Variants in ZNF676 observed in about 807,000 individuals in gnomAD.
The protein encoded by ZNF676 is zinc finger protein 676.
ZNF676 carries 4 observed loss-of-function variants against 6.0 expected under a neutral mutation model. That is an observed-to-expected ratio of 0.67 (90% CI 0.33 to 1.53). The LOEUF is 1.53. Ranked by LOEUF, ZNF676 falls within the 40% of genes most tolerant of loss-of-function variation. The probability of loss-of-function intolerance (pLI) is 0.06; values close to 1 mark genes in which losing one functional copy is unlikely to be tolerated. For missense variants in ZNF676, 644 were observed against 679.7 expected (o/e 0.95, Z 0.58); for synonymous variants, 198 against 223.1 (o/e 0.89, Z 1.00).
At chr19:22,250,716 T>C in the ZNF676 span, among the ~76,000 whole-genome samples, 5 of 141,550 alleles carry the variant, frequency 3.5e-5, no homozygotes, top group Admixed American at 1.4e-4. Context: ...ATGTCATTTC[T>C]TTTTTTTTTT....
chr19:22,203,503 TAAG>T (rs1333947674), intron 1 of ZNF676: 7 of 152,274 alleles, frequency 4.6e-5, no homozygotes, highest in Middle Eastern at 3.4e-3. Flanking sequence ...AATATTTCCC[TAAG>T]AAGAATTTCT....
the ZNF676 span, among the ~76,000 whole-genome samples, chr19:22,224,814 T>TA: frequency 6.6e-6 from 1 of 152,022 alleles, no homozygotes; most frequent in Non-Finnish European, 1.5e-5. Flanking sequence ...GGGAAACATA[T>TA]AAAGACCTGC....
At chr19:22,202,887 C>G (rs2144795390) in intron 1 of ZNF676, among the ~76,000 whole-genome samples, 1 of 152,290 alleles carries the variant, frequency 6.6e-6, no homozygotes, top group South Asian at 2.1e-4. Flanking sequence ...TAGGCTTTGA[C>G]TCTTCTACAA....
the ZNF676 span, among the ~76,000 whole-genome samples, chr19:22,240,855 G>A: frequency 2.0e-5 from 3 of 151,904 alleles, no homozygotes; most frequent in Non-Finnish European, 1.5e-5. Context: ...CAATCCCTCT[G>A]TGAGCAGAAT....
At chr19:22,239,406 T>A in the ZNF676 span, among the ~76,000 whole-genome samples, 1 of 151,858 alleles carries the variant, frequency 6.6e-6, no homozygotes, top group East Asian at 1.9e-4. Flanking sequence ...GGTCTCAATC[T>A]CCTGACCTCA....
At chr19:22,201,056 G>A (rs1376543091), upstream of ZNF676, among the ~76,000 whole-genome samples, 1 of 152,096 alleles carries the variant, frequency 6.6e-6, no homozygotes, top group Non-Finnish European at 1.5e-5. Context: ...AGAAGACTCA[G>A]GATGATTCTA....
upstream of ZNF676, among the ~76,000 whole-genome samples, chr19:22,197,620 A>T (rs866385613): frequency 2.2e-4 from 33 of 152,260 alleles, no homozygotes; most frequent in African/African-American, 7.9e-4. Context: ...TTTGTAAACA[A>T]AGATAAGAGC....
chr19:22,239,262 C>A, the ZNF676 span, among the ~76,000 whole-genome samples: 1,241 of 144,162 alleles, frequency 8.6e-3, 2 homozygotes, highest in African/African-American at 0.03. Context: ...AGTGCAGTGG[C>A]ACGATCTGGG....
chr19:22,181,082 A>G lies in ZNF676; in HGVS notation c.635T>C (p.Leu212Pro), dbSNP rs1428889642. 6.3e-7 allele frequency: 1 copy of G among 1,598,760 alleles called. No individual in the cohort carries two copies. Among genetic ancestry groups the G allele is most frequent in the Admixed American group, 1.7e-5 (1 of 59,050 alleles). ...AGTATGAATTACCTTATGTTTAGTAAGGATTGAGAACTTACTAAAGGCTTT... is the reference window on the plus strand; with the variant it reads ...AGTATGAATTACCTTATGTTTAGTAGGGATTGAGAACTTACTAAAGGCTTT... ...CGKAFSKFSI[L>P]TKHKVIHTGE... Residue 212 changes from leucine (L) to proline (P), a missense_variant, in exon 3 of 3, where the codon CTT (leucine) becomes CCT (proline). Transcript: ENST00000397121.
At chr19:22,213,053 G>A (rs1393715132) in intron 1 of ZNF676, among the ~76,000 whole-genome samples, 1 of 152,028 alleles carries the variant, frequency 6.6e-6, no homozygotes, top group Non-Finnish European at 1.5e-5. Context: ...TCATTTAATC[G>A]TTTCAAGGTA....
At chr19:22,198,545 C>T (rs1460472460), upstream of ZNF676, among the ~76,000 whole-genome samples, 1 of 152,004 alleles carries the variant, frequency 6.6e-6, no homozygotes, top group African/African-American at 2.4e-5. Flanking sequence ...TCTCTTTCTC[C>T]TCCTTCCCTA....
At chr19:22,188,993 G>GA (rs1217426465) in intron 2 of ZNF676, among the ~76,000 whole-genome samples, 2 of 150,154 alleles carry the variant, frequency 1.3e-5, no homozygotes, top group African/African-American at 2.5e-5. Context: ...CACAGAATTA[G>GA]AAAAAACTAC....
chr19:22,239,455 C>T, the ZNF676 span, among the ~76,000 whole-genome samples: 15 of 152,086 alleles, frequency 9.9e-5, no homozygotes, highest in Non-Finnish European at 2.1e-4. Flanking sequence ...GCTGGGATTA[C>T]AGGTGTAAGC....
chr19:22,208,528 C>G (rs1467799907), intron 1 of ZNF676, among the ~76,000 whole-genome samples: 1 of 152,132 alleles, frequency 6.6e-6, no homozygotes, highest in East Asian at 1.9e-4. Flanking sequence ...GGGGTTTATA[C>G]CTAAAAATAT....
intron 1 of ZNF676, among the ~76,000 whole-genome samples, chr19:22,215,014 C>G (rs2024168162): frequency 1.5e-5 from 2 of 131,424 alleles, no homozygotes; most frequent in Non-Finnish European, 3.1e-5. Context: ...GCACTCCAGC[C>G]TGGGCGACAG....
At chr19:22,245,769 T>A in the ZNF676 span, among the ~76,000 whole-genome samples, 1 of 151,886 alleles carries the variant, frequency 6.6e-6, no homozygotes, top group African/African-American at 2.4e-5. Context: ...TTCAGGAGAG[T>A]CACATTACCT....
At chr19:22,197,202 A>T (rs1380732309), upstream of ZNF676, among the ~76,000 whole-genome samples, 2 of 151,924 alleles carry the variant, frequency 1.3e-5, no homozygotes, top group Non-Finnish European at 2.9e-5. Context: ...CATGGCTGTA[A>T]TCCTAGCTAC....
the ZNF676 span, among the ~76,000 whole-genome samples, chr19:22,222,316 G>C: frequency 2.6e-5 from 4 of 152,162 alleles, no homozygotes; most frequent in African/African-American, 9.7e-5. Flanking sequence ...ATATTGGCCA[G>C]GCTGGTTTCA....
chr19:22,244,987 G>A, the ZNF676 span: 2 of 152,072 alleles, frequency 1.3e-5, no homozygotes, highest in African/African-American at 4.8e-5. Context: ...CCTAGGCGTT[G>A]GACCAAGCCA....
Sources: gnomAD v4.1 joint callset for allele counts (sites outside exome capture counted in the v4.1 genomes callset) on GRCh38, gnomAD v4.1.1 for gene constraint, MANE v1.5 for transcripts, NCBI Gene and HGNC (gene_info 2026-07-23, HGNC 2026-07-21) for gene names.